SPAG9: variants seen among roughly 807,000 people sequenced by gnomAD.
SPAG9 encodes the protein C-Jun-amino-terminal kinase-interacting protein 4.
A neutral mutation model predicts 166.5 loss-of-function variants in SPAG9; 35 were observed. The observed-to-expected ratio is 0.21, with a 90% CI of 0.16 to 0.28. The LOEUF (loss-of-function observed/expected upper bound fraction) is 0.28. Among genes scored for constraint, SPAG9 ranks in the 10% least tolerant of loss-of-function variants. The pLI is 1.00. For missense variants in SPAG9, 1,235 were observed against 1,603.3 expected, an observed-to-expected ratio of 0.77 and a Z score of 3.92; for synonymous variants, 534 against 565.5, an observed-to-expected ratio of 0.94 and a Z score of 0.79.
At chr17:51,075,921 C>G (rs994492804) in intron 2 of SPAG9, among the ~76,000 whole-genome samples, 1 of 151,786 alleles carries the variant, frequency 6.6e-6, no homozygotes, top group Admixed American at 6.6e-5. Flanking sequence ...CAGTGAAGCC[C>G]TGTCTCTACT....
chr17:51,024,133 T>A (rs1454895522), intron 6 of SPAG9, among the ~76,000 whole-genome samples: 1 of 149,922 alleles, frequency 6.7e-6, no homozygotes, highest in Non-Finnish European at 1.5e-5. Flanking sequence ...CGTAATCTAC[T>A]AAAAACACAA....
intron 4 of SPAG9, among the ~76,000 whole-genome samples, chr17:51,043,523 G>A (rs2046918220): frequency 6.6e-6 from 1 of 151,912 alleles, no homozygotes; most frequent in African/African-American, 2.4e-5. Context: ...TTAAATGATG[G>A]TGACAGTGAT....
intron 27 of SPAG9, 46 bp downstream of exon 27, chr17:50,977,062 T>C: frequency 8.5e-7 from 1 of 1,179,238 alleles, no homozygotes; most frequent in Non-Finnish European, 1.3e-6. Flanking sequence ...CTATTTCCTA[T>C]AATTCTCCTA....
chr17:51,073,570 A>G (rs989764477), intron 2 of SPAG9, among the ~76,000 whole-genome samples: 3 of 152,106 alleles, frequency 2.0e-5, no homozygotes, highest in African/African-American at 7.2e-5. Flanking sequence ...AACAAAAAAC[A>G]AAAACCTAAG....
At chr17:51,095,897 A>G (rs1388555055) in intron 1 of SPAG9, among the ~76,000 whole-genome samples, 1 of 143,990 alleles carries the variant, frequency 6.9e-6, no homozygotes, top group Admixed American at 7.1e-5. Context: ...TGATATATAC[A>G]GTGATATATA....
intron 9 of SPAG9, among the ~76,000 whole-genome samples, chr17:51,011,814 A>G (rs1013380629): frequency 6.6e-6 from 1 of 152,240 alleles, no homozygotes; most frequent in African/African-American, 2.4e-5. Flanking sequence ...TGGAAAAGAT[A>G]GTTTGTAGTC....
chr17:51,090,920 C>A (rs1198513044), intron 1 of SPAG9, among the ~76,000 whole-genome samples: 1 of 152,068 alleles, frequency 6.6e-6, no homozygotes, highest in Admixed American at 6.6e-5. Context: ...TCACATAGTT[C>A]AAGTCTGCAT....
At chr17:51,010,568 GAAAAAAAAA>G (rs3075109) in intron 9 of SPAG9, among the ~76,000 whole-genome samples, 1 of 124,870 alleles carries the variant, frequency 8.0e-6, no homozygotes, top group Non-Finnish European at 1.7e-5. Context: ...GGCAAGAAAA[GAAAAAAAAA>G]AAAAAATATA....
chr17:50,967,834 T>A (rs1018565936), intron 29 of SPAG9, among the ~76,000 whole-genome samples: 1 of 152,230 alleles, frequency 6.6e-6, no homozygotes, highest in African/African-American at 2.4e-5. Flanking sequence ...TTTACAACAG[T>A]ATATTCACTA....
chr17:50,980,408 T>C (rs1974510592), intron 25 of SPAG9, among the ~76,000 whole-genome samples: 1 of 151,928 alleles, frequency 6.6e-6, no homozygotes, highest in Admixed American at 6.6e-5. Context: ...TTTCATCATG[T>C]TGGCCAGGCT....
At chr17:51,077,025 G>GCTATCTAGCTATCTAGCTAGCTAGCTAT in intron 2 of SPAG9, among the ~76,000 whole-genome samples, 1 of 86,800 alleles carries the variant, frequency 1.2e-5, no homozygotes, top group Admixed American at 1.1e-4. Flanking sequence ...TAGCTATCTA[G>GCTATCTAGCTATCTAGCTAGCTAGCTAT]CTATCTATCT....
At position 51,097,717 on chromosome 17, in the gene SPAG9, G is replaced by T. The variant is rs77082791; in HGVS notation, c.304-18013C>A. 8.9e-4 allele frequency among the ~76,000 whole-genome samples: 136 copies of T among 152,236 alleles called. 2 individuals are homozygous for T. In the East Asian group the frequency reaches 0.025, roughly 28 times the overall value. ...ACACTATCTCAAGTAGACAGTGTCA[G>T]TATTAAGTTAGATGACACCTAGCTG... is the stretch of plus-strand genomic sequence containing the variant. On this transcript the variant is annotated intron_variant, in intron 1 of 29. Coordinates refer to ENST00000262013, the MANE Select transcript of SPAG9 (RefSeq NM_001130528.3).
chr17:51,040,002 A>G (rs2046769380), intron 5 of SPAG9, among the ~76,000 whole-genome samples: 1 of 152,138 alleles, frequency 6.6e-6, no homozygotes, highest in Non-Finnish European at 1.5e-5. Context: ...TGGGAGGCTG[A>G]GGCGGGTGGA....
chr17:51,040,005 C>T (rs1488726355), intron 5 of SPAG9, among the ~76,000 whole-genome samples: 8 of 151,958 alleles, frequency 5.3e-5, no homozygotes, highest in Non-Finnish European at 8.8e-5. Flanking sequence ...GAGGCTGAGG[C>T]GGGTGGATCA....
rs143008524 is a variant in SPAG9 at position 50,993,806 on chromosome 17, T to A, written c.2356A>T (p.Thr786Ser). 6.2e-7 allele frequency: 1 copy of A among 1,613,994 alleles called. No individual in the cohort carries two copies. The highest frequency in any genetic ancestry group is 1.3e-5 in the African/African-American group (1 of 74,920). Residue 786 changes from threonine (T) to serine (S), a missense_variant, in exon 19 of 30, where the codon ACT becomes TCT. Physicochemically the swap from Thr to Ser is moderately conservative, Grantham distance 58. Coordinates refer to ENST00000262013, the MANE Select transcript of SPAG9 (RefSeq NM_001130528.3). ...CACAGAACATGAGAGTTGCAAACAGTGAAACTGTCTAGGATGTTGCCAGGT... is the reference window on the plus strand; with the variant it reads ...CACAGAACATGAGAGTTGCAAACAGAGAAACTGTCTAGGATGTTGCCAGGT... ...VQPGNILDSFTVCNSHVLCIA... is the reference protein window; with the variant it reads ...VQPGNILDSFSVCNSHVLCIA...
intron 1 of SPAG9, among the ~76,000 whole-genome samples, chr17:51,107,386 CA>C (rs1281065071): frequency 2.0e-5 from 3 of 149,698 alleles, no homozygotes; most frequent in Non-Finnish European, 4.4e-5. Flanking sequence ...CCATCCCTAC[CA>C]AAAAAAATTA....
chr17:50,975,791 G>A (rs1974165414), intron 27 of SPAG9: 2 of 1,092,698 alleles, frequency 1.8e-6, no homozygotes, highest in African/African-American at 3.1e-5. Flanking sequence ...GGGTATTCTA[G>A]AGGAGTGGTA....
At chr17:51,077,085 G>GCTAGCTATCTATCTAGCTAGCTAT (rs1428007371) in intron 2 of SPAG9, among the ~76,000 whole-genome samples, 2 of 109,550 alleles carry the variant, frequency 1.8e-5, no homozygotes, top group Admixed American at 1.7e-4. Context: ...TAGCTATCTA[G>GCTAGCTATCTATCTAGCTAGCTAT]CTAGCTATCT....
intron 9 of SPAG9, among the ~76,000 whole-genome samples, chr17:51,008,764 C>A (rs1231020825): frequency 6.6e-6 from 1 of 151,950 alleles, no homozygotes; most frequent in Non-Finnish European, 1.5e-5. Flanking sequence ...CCAAACAAAA[C>A]AAAATAAAAG....
Sources: gnomAD v4.1 joint callset for allele counts (sites outside exome capture counted in the v4.1 genomes callset) on GRCh38, gnomAD v4.1.1 for gene constraint, MANE v1.5 for transcripts, NCBI Gene and HGNC (gene_info 2026-07-23, HGNC 2026-07-21) for gene names.